The following CNTRL variants were observed in gnomAD, a reference collection of about 807,000 sequenced individuals.
CNTRL encodes the protein centriolin.
Under a neutral mutation model 303.7 loss-of-function variants are expected in CNTRL, and 233 were observed. The observed-to-expected ratio is 0.77, with a 90% CI of 0.69 to 0.86. CNTRL has a LOEUF of 0.86. Ranked by LOEUF, CNTRL falls within the 40% of genes least tolerant of loss-of-function variation. The probability of loss-of-function intolerance (pLI) is 0.00; values close to 1 mark genes in which losing one functional copy is unlikely to be tolerated. For missense variants in CNTRL, 2,524 were observed against 2,650.6 expected, an observed-to-expected ratio of 0.95 and a Z score of 1.05; for synonymous variants, 900 against 922.2, an observed-to-expected ratio of 0.98 and a Z score of 0.44.
chr9:121,172,747 C>T (rs1464709777), intron 40 of CNTRL, among the ~76,000 whole-genome samples: 1 of 152,240 alleles, frequency 6.6e-6, no homozygotes, highest in African/African-American at 2.4e-5. Flanking sequence ...TGACTTATTT[C>T]AGTAAATGGC....
At chr9:121,134,365 A>C (rs1052851745) in intron 14 of CNTRL, among the ~76,000 whole-genome samples, 1 of 149,526 alleles carries the variant, frequency 6.7e-6, no homozygotes, top group Non-Finnish European at 1.5e-5. Context: ...ATCTTCGCTC[A>C]CTGCAACCTC....
Position 121,125,732 on chromosome 9 carries a change from T to C in CNTRL, c.1821T>C (p.Asn607=), listed in dbSNP as rs1564238041. ...EQLTEGQIAA[N]EALKKDLEGV... is the part of the protein sequence containing the mutation. ...CTTGCTTAGGCCAGATAGCAGCAAA[T>C]GAAGCCCTGAAGAAGGATTTAGAAG... Residue 607 remains asparagine, a synonymous_variant, in exon 14 of 44, where the codon AAT becomes AAC. Transcript: ENST00000373855. The C allele has an allele frequency of 6.2e-7, 1 of 1,614,116 alleles. No individual in the cohort carries two copies. The highest frequency in any genetic ancestry group is 1.1e-5 in the South Asian group (1 of 91,078).
At chr9:121,132,301 C>T (rs1319930551) in intron 14 of CNTRL, among the ~76,000 whole-genome samples, 1 of 152,158 alleles carries the variant, frequency 6.6e-6, no homozygotes, top group Non-Finnish European at 1.5e-5. Flanking sequence ...TTCACATAGT[C>T]CCATATTTCT....
At position 121,151,384 on chromosome 9, in the gene CNTRL, C is replaced by CTTTTTTTTTTTTTTTTTTTTTTT. The variant is rs200247383; in HGVS notation, c.3963+903_3963+904insTTTTTTTTTTTTTTTTTTTTTTT. Among the ~76,000 whole-genome samples the CTTTTTTTTTTTTTTTTTTTTTTT allele has an allele frequency of 7.6e-5, 7 of 91,516 alleles. 1 individual carries two copies. Among genetic ancestry groups the CTTTTTTTTTTTTTTTTTTTTTTT allele is most frequent in the East Asian group, 4.5e-4 (1 of 2,218 alleles). 60.0% of individuals were successfully genotyped at this position (91,516 alleles called of 152,430 possible). A position where few individuals can be genotyped will look rare whatever the true frequency, so the allele number is the denominator to read the frequency against. On this transcript the variant is annotated intron_variant, in intron 25 of 43. Transcript: ENST00000373855. ...GATTACTTCCTTTTTCTTTTTTCTTCTTCTTTTTTTTTTTTTTTTTTTTTG... is the reference window on the plus strand; with the variant it reads ...GATTACTTCCTTTTTCTTTTTTCTTCTTTTTTTTTTTTTTTTTTTTTTTTTCTTTTTTTTTTTTTTTTTTTTTG...
chr9:121,123,869 G>T, intron 12 of CNTRL, 62 bp from the exon 13 acceptor site: 3 of 1,266,664 alleles, frequency 2.4e-6, no homozygotes, highest in Non-Finnish European at 3.2e-6. Flanking sequence ...GTTGTTAAGG[G>T]TTATTACTTT....
chr9:121,170,805 T>C (rs1319582774), intron 39 of CNTRL, among the ~76,000 whole-genome samples: 3 of 152,188 alleles, frequency 2.0e-5, no homozygotes, highest in Non-Finnish European at 2.9e-5. Flanking sequence ...CATCCTGCCC[T>C]TTTTGGCCAA....
At chr9:121,116,449 T>C (rs985412119) in intron 11 of CNTRL, among the ~76,000 whole-genome samples, 2 of 152,150 alleles carry the variant, frequency 1.3e-5, no homozygotes, top group African/African-American at 4.8e-5. Flanking sequence ...GCTTCCAGAA[T>C]AGCTGGGACT....
chr9:121,150,676 C>T (rs1334725258), intron 25 of CNTRL, 193 bp downstream of exon 25: 9 of 595,760 alleles, frequency 1.5e-5, no homozygotes, highest in Non-Finnish European at 2.3e-5. Context: ...TGCCTATAAT[C>T]CGAGCTACTC....
chr9:121,153,751 T>G (rs1415907407), intron 26 of CNTRL, among the ~76,000 whole-genome samples: 2 of 152,202 alleles, frequency 1.3e-5, no homozygotes, highest in Non-Finnish European at 2.9e-5. Flanking sequence ...TTTTTGTCAT[T>G]TAACCCAGAC....
intron 7 of CNTRL, among the ~76,000 whole-genome samples, chr9:121,102,717 A>G (rs1255983655): frequency 6.6e-6 from 1 of 152,244 alleles, no homozygotes; most frequent in Non-Finnish European, 1.5e-5. Context: ...ATACAAAATC[A>G]ATGTGCAAAA....
At chr9:121,156,046 T>G (rs774572730) in intron 27 of CNTRL, among the ~76,000 whole-genome samples, 6 of 152,054 alleles carry the variant, frequency 3.9e-5, no homozygotes, top group Non-Finnish European at 8.8e-5. Context: ...TGTTGTCATA[T>G]GTTGGATTAC....
chr9:121,092,598 A>AT (rs2048669429), intron 4 of CNTRL, among the ~76,000 whole-genome samples: 1 of 8,772 alleles, frequency 1.1e-4, no homozygotes, highest in African/African-American at 2.8e-4. Flanking sequence ...ATCTATATAT[A>AT]TAATATATAT....
chr9:121,109,140 C>A (rs2049626036), intron 8 of CNTRL, among the ~76,000 whole-genome samples: 1 of 152,060 alleles, frequency 6.6e-6, no homozygotes, highest in African/African-American at 2.4e-5. Context: ...TTTCGTACAT[C>A]CTCTAGTATA....
At chr9:121,134,259 C>T (rs910325468) in intron 14 of CNTRL, among the ~76,000 whole-genome samples, 1 of 151,348 alleles carries the variant, frequency 6.6e-6, no homozygotes. Flanking sequence ...AGAAAAATGA[C>T]GGTAATTCCC....
At chr9:121,145,422 G>A (rs376612675) in intron 22 of CNTRL, 37 bp downstream of exon 22, 3 of 1,553,548 alleles carry the variant, frequency 1.9e-6, no homozygotes, top group Non-Finnish European at 2.6e-6. Flanking sequence ...CAGTGGTTTT[G>A]TAGTCATAAA....
intron 8 of CNTRL, among the ~76,000 whole-genome samples, chr9:121,111,702 T>G (rs1311044254): frequency 6.6e-6 from 1 of 152,162 alleles, no homozygotes; most frequent in Non-Finnish European, 1.5e-5. Flanking sequence ...AATATTTAGT[T>G]TCTGACACTG....
chr9:121,115,124 T>TA lies in CNTRL; in HGVS notation c.1380dup (p.Glu461ArgfsTer12). ...CGACTATCAGAACTGCATGATGAAA[T>TA]AGAAAAGGCAGAACAACAAATTTTG... is the stretch of plus-strand genomic sequence containing the variant. On this transcript the variant is annotated frameshift_variant, in exon 11 of 44. Coordinates refer to ENST00000373855, the MANE Select transcript of CNTRL (RefSeq NM_007018.6). LOFTEE classifies it high-confidence loss of function. 1 of 1,610,310 alleles carries TA rather than the reference T, an allele frequency of 6.2e-7. No homozygotes were observed. Among genetic ancestry groups the TA allele is most frequent in the Non-Finnish European group, 8.5e-7 (1 of 1,178,120 alleles).
intron 26 of CNTRL, among the ~76,000 whole-genome samples, chr9:121,153,830 T>A (rs1665980666): frequency 6.6e-6 from 1 of 152,216 alleles, no homozygotes; most frequent in South Asian, 2.1e-4. Context: ...GTCACTGCCA[T>A]CTAGCAGCAG....
At position 121,143,898 on chromosome 9, in the gene CNTRL, T is replaced by C; in HGVS notation, c.2872-5T>C. ...TCTGTTTAATTAATATTTCTTTTAT[T>C]TTAGAAGAAACTTGAAGATGCCAAA... On this transcript the variant is annotated splice_region_variant and splice_polypyrimidine_tract_variant and intron_variant, in intron 19 of 43. Coordinates refer to ENST00000373855, the MANE Select transcript of CNTRL (RefSeq NM_007018.6). 1 of 1,580,916 alleles carries C rather than the reference T, an allele frequency of 6.3e-7. No homozygotes were observed. Among genetic ancestry groups the C allele is most frequent in the Non-Finnish European group, 8.6e-7 (1 of 1,167,654 alleles).
Sources: allele counts gnomAD v4.1 joint callset (sites outside exome capture counted in the v4.1 genomes callset), GRCh38; gene constraint gnomAD v4.1.1; transcripts MANE v1.5; gene names NCBI Gene and HGNC (gene_info 2026-07-23, HGNC 2026-07-21).